CSMD2: variants seen among roughly 807,000 people sequenced by gnomAD.
CSMD2 encodes the protein CUB and sushi domain-containing protein 2.
In CSMD2, 130 loss-of-function variants were observed where a neutral mutation model predicts 398.5. The observed-to-expected ratio is 0.33, with a 90% CI of 0.28 to 0.38. CSMD2 has a LOEUF of 0.38. Ranked by LOEUF, CSMD2 falls within the 10% of genes least tolerant of loss-of-function variation. The pLI is 1.00. For synonymous variants in CSMD2, 1,828 were observed against 1,908.5 expected, an observed-to-expected ratio of 0.96 and a Z score of 1.10; for missense variants, 3,829 against 4,764.9, an observed-to-expected ratio of 0.80 and a Z score of 5.78.
chr1:33,826,602 T>C (rs1405632542), intron 6 of CSMD2, among the ~76,000 whole-genome samples: 23 of 152,174 alleles, frequency 1.5e-4, no homozygotes, highest in Non-Finnish European at 4.4e-5. Context: ...GCCTGATGGA[T>C]CAGATCTGGC....
chr1:34,155,097 A>G lies in CSMD2; in HGVS notation c.187+9814T>C, dbSNP rs150852872. On this transcript the variant is annotated intron_variant, in intron 1 of 70. Coordinates refer to ENST00000373381, the MANE Select transcript of CSMD2 (RefSeq NM_001281956.2). ...GTACTTATTGGGATTGGGATAGCTT[A>G]GCTTCAGGATTGGGGATGAAGGGAG... Among the ~76,000 whole-genome samples, 372 of 152,350 alleles carry G rather than the reference A, an allele frequency of 2.4e-3. 4 individuals are homozygous for G. The highest frequency in any genetic ancestry group is 8.4e-3 in the African/African-American group (350 of 41,582).
chr1:34,055,610 A>G (rs185291896), intron 2 of CSMD2, among the ~76,000 whole-genome samples: 245 of 152,320 alleles, frequency 1.6e-3, no homozygotes, highest in African/African-American at 5.5e-3. Flanking sequence ...AAGGATACCA[A>G]TGAACACCAG....
chr1:33,856,087 C>T (rs185591612), intron 5 of CSMD2, among the ~76,000 whole-genome samples: 17 of 152,300 alleles, frequency 1.1e-4, no homozygotes, highest in Admixed American at 1.0e-3. Context: ...CAGCAGTGCT[C>T]ATGTGTATAA....
At position 33,577,282 on chromosome 1, in the gene CSMD2, C is replaced by T. The variant is rs1638337264; in HGVS notation, c.7576+14G>A. 2 of 1,588,556 alleles carry T rather than the reference C, an allele frequency of 1.3e-6. No homozygotes were observed. The highest frequency in any genetic ancestry group is 1.7e-6 in the Non-Finnish European group (2 of 1,163,450). On this transcript the variant is annotated intron_variant, in intron 49 of 70. Coordinates refer to ENST00000373381, the MANE Select transcript of CSMD2 (RefSeq NM_001281956.2). Reference sequence around the variant, plus strand: ...CCGAGCTACCTTGTGACCCCCTTTCCACCTGCTTCTCACCTTGACAGAGAG... The same window carrying T: ...CCGAGCTACCTTGTGACCCCCTTTCTACCTGCTTCTCACCTTGACAGAGAG...
intron 29 of CSMD2, among the ~76,000 whole-genome samples, chr1:33,638,532 T>C (rs1186325005): frequency 1.3e-5 from 2 of 152,258 alleles, no homozygotes; most frequent in African/African-American, 2.4e-5. Flanking sequence ...CCCAGCCTCC[T>C]TGTGTAAACA....
chr1:33,517,888 T>C (rs1360771109), intron 70 of CSMD2, among the ~76,000 whole-genome samples: 1 of 152,238 alleles, frequency 6.6e-6, no homozygotes, highest in African/African-American at 2.4e-5. Context: ...GCTGCTCTTG[T>C]AACCCCCTCC....
At chr1:33,527,722 A>G (rs1654899503) in intron 64 of CSMD2, among the ~76,000 whole-genome samples, 1 of 152,188 alleles carries the variant, frequency 6.6e-6, no homozygotes, top group Admixed American at 6.5e-5. Context: ...GTTGTTGTCT[A>G]CATTCCAAAT....
chr1:33,711,084 G>C (rs1298707209), intron 21 of CSMD2, among the ~76,000 whole-genome samples: 2 of 152,228 alleles, frequency 1.3e-5, no homozygotes, highest in Admixed American at 6.5e-5. Flanking sequence ...AGGGACAGTG[G>C]TGGGCAGGCT....
At chr1:33,880,562 C>T (rs764263056) in intron 5 of CSMD2, among the ~76,000 whole-genome samples, 6 of 152,140 alleles carry the variant, frequency 3.9e-5, no homozygotes, top group South Asian at 2.1e-4. Flanking sequence ...GAAAAGACTG[C>T]GCTCTTCACT....
chr1:34,084,032 G>A (rs969820081), intron 2 of CSMD2, among the ~76,000 whole-genome samples: 4 of 151,004 alleles, frequency 2.6e-5, no homozygotes, highest in African/African-American at 7.3e-5. Flanking sequence ...CCTTTGCTAA[G>A]CCCGTGTGAA....
At chr1:33,965,890 C>A (rs1258558015) in intron 3 of CSMD2, among the ~76,000 whole-genome samples, 3 of 152,166 alleles carry the variant, frequency 2.0e-5, no homozygotes, top group Non-Finnish European at 4.4e-5. Flanking sequence ...ATATGACTGG[C>A]AACAGAATGA....
intron 64 of CSMD2, among the ~76,000 whole-genome samples, chr1:33,532,674 A>T (rs535997717): frequency 1.3e-4 from 20 of 152,316 alleles, no homozygotes; most frequent in South Asian, 6.2e-4. Context: ...AATGAAGAAG[A>T]GGGGAAGGGA....
intron 25 of CSMD2, among the ~76,000 whole-genome samples, chr1:33,691,813 C>T (rs1476985491): frequency 1.3e-5 from 2 of 152,186 alleles, no homozygotes; most frequent in Non-Finnish European, 2.9e-5. Flanking sequence ...CCCTATCTAT[C>T]TCCCATTCCT....
In CSMD2 at chr1:33,739,274, T is replaced by C. The variant is rs767653961; in HGVS notation, c.2234A>G (p.Asp745Gly). 5.6e-6 allele frequency: 9 copies of C among 1,614,026 alleles called. No individual in the cohort carries two copies. Among genetic ancestry groups the C allele is most frequent in the Non-Finnish European group, 7.6e-6 (9 of 1,180,018 alleles). The stretch of plus-strand genomic sequence containing the variant: ...GATGGAGCTGCCCAGCTGGAGGCTG[T>C]CCCCAAACCGTTTGCCATTTACTGG... Reference protein sequence around the residue: ...GVPVNGKRFGDSLQLGSSISF... With the variant: ...GVPVNGKRFGGSLQLGSSISF... Residue 745 changes from aspartate (D) to glycine (G), a missense_variant, in exon 15 of 71, where the codon GAC becomes GGC. This residue lies in a region of CSMD2 where 2,001 missense variants were observed against 2,567.1 expected (regional missense o/e 0.78). Coordinates refer to ENST00000373381, the MANE Select transcript of CSMD2 (RefSeq NM_001281956.2).
At position 33,542,816 on chromosome 1, in the gene CSMD2, C is replaced by T. The variant is rs554466777; in HGVS notation, c.9181G>A (p.Val3061Ile). The change falls in exon 58 of 71, where the codon GTC becomes ATC. Residue 3061 changes from valine to isoleucine, a missense_variant. Val to Ile is a conservative substitution (Grantham distance 29). Around this residue, in one of 5 missense-constraint regions of CSMD2, gnomAD observed 917 missense variants for 1,199.5 expected, o/e 0.76. Coordinates refer to ENST00000373381, the MANE Select transcript of CSMD2 (RefSeq NM_001281956.2). ...TAGTATCCTTCCCGGCACTCATAGA[C>T]GATAGAGCTGGAGAAAACCAGGCCA... is the stretch of plus-strand genomic sequence containing the variant. ...SDGLVFSSSI[V>I]YECREGYYAT... 148 of 1,614,140 alleles carry T rather than the reference C, an allele frequency of 9.2e-5. 3 individuals are homozygous for T. In the South Asian group the frequency reaches 1.5e-3, roughly 16 times the overall value.
At chr1:33,959,531 T>A (rs1318091505) in intron 3 of CSMD2, among the ~76,000 whole-genome samples, 1 of 152,112 alleles carries the variant, frequency 6.6e-6, no homozygotes, top group East Asian at 1.9e-4. Flanking sequence ...CCGGGACATA[T>A]CCAGGTTTAG....
chr1:33,528,413 C>T (rs540464205), intron 64 of CSMD2, among the ~76,000 whole-genome samples: 99 of 152,334 alleles, frequency 6.5e-4, no homozygotes, highest in African/African-American at 2.1e-3. Context: ...TCTGCCTTGG[C>T]GGGGAGCACA....
chr1:34,139,000 A>G (rs12082023), intron 1 of CSMD2, among the ~76,000 whole-genome samples: 293 of 151,724 alleles, frequency 1.9e-3, no homozygotes, highest in Middle Eastern at 3.4e-3. Flanking sequence ...ACTAACCAAC[A>G]CTCACTCCTA....
At position 33,537,221 on chromosome 1, in the gene CSMD2, C is replaced by T. The variant is rs1264506914; in HGVS notation, c.9806-126G>A. 2.6e-6 allele frequency: 3 copies of T among 1,165,808 alleles called. No homozygotes were observed. In the South Asian group the frequency reaches 4.1e-5, roughly 16 times the overall value. The allele number at this position is 1,165,808 out of a possible 1,614,324, so 72.2% of individuals were successfully genotyped here. A position where few individuals can be genotyped will look rare whatever the true frequency, so the allele number is the denominator to read the frequency against. ...TCCTGACTTCCCTGCCCACTGAGAT[C>T]CCCACCTGAGCCTTGGCCCTGGCTG... On this transcript the variant is annotated intron_variant, in intron 61 of 70. Transcript: ENST00000373381. The surrounding 1 kb of genome is among the most constrained non-coding windows in gnomAD (Gnocchi z 4.6).
Sources: allele counts gnomAD v4.1 joint callset (sites outside exome capture counted in the v4.1 genomes callset), GRCh38; gene constraint gnomAD v4.1.1; regional missense constraint gnomAD v4.1.1; non-coding constraint Gnocchi (gnomAD v3.1); transcripts MANE v1.5; gene names NCBI Gene and HGNC (gene_info 2026-07-23, HGNC 2026-07-21).